The following COL4A2 variants were observed in gnomAD, a reference collection of about 807,000 sequenced individuals.
COL4A2 encodes the protein collagen type IV alpha 2 chain, also known as collagen alpha-2(IV) chain.
A neutral mutation model predicts 200.2 loss-of-function variants in COL4A2; 99 were observed. The ratio of observed to expected loss-of-function variants is 0.49; its 90% CI spans 0.42 to 0.58. The LOEUF (loss-of-function observed/expected upper bound fraction) is 0.58. Ranked by LOEUF, COL4A2 falls within the 20% of genes least tolerant of loss-of-function variation. The probability of loss-of-function intolerance (pLI) is 0.00; values close to 1 mark genes in which losing one functional copy is unlikely to be tolerated. For synonymous variants in COL4A2, 897 were observed against 900.6 expected (o/e 1.00, Z 0.07); for missense variants, 1,950 against 2,314.1 (o/e 0.84, Z 3.23).
Position 110,330,138 on chromosome 13 carries a change from T to C in COL4A2, c.99+22015T>C, listed in dbSNP as rs138128730. 2.4e-3 allele frequency among the ~76,000 whole-genome samples: 365 copies of C among 152,350 alleles called. 3 individuals carry two copies. Among genetic ancestry groups the C allele is most frequent in the African/African-American group, 8.2e-3 (339 of 41,590 alleles). On this transcript the variant is annotated intron_variant, in intron 3 of 47. Transcript: ENST00000360467. ...TTTTACCATTAAGGACTCAAGGCTT[T>C]CCACGGCCCCTTTAACTGAGAATGG...
Position 110,485,672 on chromosome 13 carries a change from G to T in COL4A2, c.3043G>T (p.Gly1015Cys). 6.2e-7 allele frequency: 1 copy of T among 1,602,134 alleles called. No individual in the cohort carries two copies. The highest frequency in any genetic ancestry group is 8.5e-7 in the Non-Finnish European group (1 of 1,175,102). ...TCCTGCAGGTATCCAAGGAATGCCA[G>T]GCATCCCAGGGCTGTCAGGAATCCC... is the stretch of plus-strand genomic sequence containing the variant. ...LGAKGIQGMP[G>C]IPGLSGIPGL... Residue 1015 changes from glycine to cysteine, a missense_variant, in exon 34 of 48, where the codon GGC becomes TGC. Gly to Cys is a radical substitution (Grantham distance 159). This residue lies in a region of COL4A2 where 1,385 missense variants were observed against 1,720.5 expected (regional missense o/e 0.80). Transcript: ENST00000360467.
intron 40 of COL4A2, among the ~76,000 whole-genome samples, chr13:110,499,905 G>A (rs1162327331): frequency 6.6e-6 from 1 of 152,182 alleles, no homozygotes; most frequent in African/African-American, 2.4e-5. Context: ...CTCACCATCT[G>A]TTTCGGGTAC....
chr13:110,488,336 A>G (rs532204226), intron 34 of COL4A2, among the ~76,000 whole-genome samples: 1 of 152,124 alleles, frequency 6.6e-6, no homozygotes, highest in Non-Finnish European at 1.5e-5. Flanking sequence ...AGCTATATTA[A>G]TACTGCAGCG....
intron 3 of COL4A2, among the ~76,000 whole-genome samples, chr13:110,325,212 A>T (rs1404670564): frequency 6.6e-6 from 1 of 152,244 alleles, no homozygotes; most frequent in Non-Finnish European, 1.5e-5. Context: ...TTTAATAAGC[A>T]TTTAGAACCA....
chr13:110,319,910 G>A (rs1885234883), intron 3 of COL4A2, among the ~76,000 whole-genome samples: 1 of 152,146 alleles, frequency 6.6e-6, no homozygotes, highest in Non-Finnish European at 1.5e-5. Flanking sequence ...CCTTCCTGTT[G>A]TAAAACAAGG....
chr13:110,462,413 G>A (rs745758837), intron 24 of COL4A2, 29 bp downstream of exon 24: 96 of 1,606,082 alleles, frequency 6.0e-5, no homozygotes, highest in East Asian at 8.9e-5. Flanking sequence ...CGGCAGCTCC[G>A]TCCTCTCTTC....
intron 18 of COL4A2, among the ~76,000 whole-genome samples, chr13:110,447,528 G>T (rs9521765): frequency 0.37 from 56,792 of 151,944 alleles, 11,071 homozygotes; most frequent in Middle Eastern, 0.53. Flanking sequence ...AGAGCACTTG[G>T]CTCTGAACCT....
chr13:110,480,418 C>G (rs758879297), intron 31 of COL4A2, 28 bp downstream of exon 31: 2 of 1,592,098 alleles, frequency 1.3e-6, no homozygotes, highest in Non-Finnish European at 1.7e-6. Flanking sequence ...ACCAGGGATC[C>G]CTTGGCGGGG....
At position 110,449,738 on chromosome 13, in the gene COL4A2, C is replaced by G; in HGVS notation, c.1138C>G (p.Pro380Ala). 1 of 1,549,440 alleles carries G rather than the reference C, an allele frequency of 6.5e-7. No homozygotes were observed. Among genetic ancestry groups the G allele is most frequent in the South Asian group, 1.2e-5 (1 of 83,964 alleles). ...AQGEPGSQGE[P>A]GDPGLPGPPG... Reference sequence around the variant, plus strand: ...AGGGGAGCCAGGAAGCCAGGGTGAGCCAGGAGACCCGGGCCTCCCAGGTCC... The same window carrying G: ...AGGGGAGCCAGGAAGCCAGGGTGAGGCAGGAGACCCGGGCCTCCCAGGTCC... The change falls in exon 19 of 48, where the codon CCA (proline) becomes GCA (alanine). Residue 380 changes from proline (P) to alanine (A), a missense_variant. Around this residue, in one of 2 missense-constraint regions of COL4A2, gnomAD observed 565 missense variants for 593.5 expected, o/e 0.95. Coordinates refer to ENST00000360467, the MANE Select transcript of COL4A2 (RefSeq NM_001846.4).
In COL4A2 at chr13:110,458,816, A is replaced by C; in HGVS notation, c.1478A>C (p.Lys493Thr). 6.2e-7 allele frequency: 1 copy of C among 1,613,932 alleles called. No homozygotes were observed. Among genetic ancestry groups the C allele is most frequent in the Non-Finnish European group, 8.5e-7 (1 of 1,179,942 alleles). ...CRCTEGDEAI[K>T]GLPGLPGPKG... Reference sequence around the variant, plus strand: ...TGTACAGAAGGCGACGAAGCTATCAAAGGTCTTCCGGGACTGCCAGGACCC... The same window carrying C: ...TGTACAGAAGGCGACGAAGCTATCACAGGTCTTCCGGGACTGCCAGGACCC... Residue 493 changes from lysine (K) to threonine (T), a missense_variant, in exon 22 of 48, where the codon AAA becomes ACA. Physicochemically the swap from Lys to Thr is moderately conservative, Grantham distance 78 (BLOSUM62 -1). Around this residue, in one of 2 missense-constraint regions of COL4A2, gnomAD observed 1,385 missense variants for 1,720.5 expected, o/e 0.80. Transcript: ENST00000360467.
At chr13:110,309,432 G>A (rs1884909907) in intron 3 of COL4A2, among the ~76,000 whole-genome samples, 1 of 152,240 alleles carries the variant, frequency 6.6e-6, no homozygotes, top group Admixed American at 6.5e-5. Context: ...TGTACTGCAT[G>A]TAAGACTTGG....
At chr13:110,358,004 T>TA (rs780063500) in intron 4 of COL4A2, among the ~76,000 whole-genome samples, 41 of 152,286 alleles carry the variant, frequency 2.7e-4, no homozygotes, top group South Asian at 6.2e-4. Flanking sequence ...GCCCTAAACT[T>TA]ACGTTTTCAA....
At chr13:110,360,129 C>T (rs1242145574) in intron 4 of COL4A2, among the ~76,000 whole-genome samples, 1 of 152,232 alleles carries the variant, frequency 6.6e-6, no homozygotes, top group Admixed American at 6.5e-5. Flanking sequence ...AGACTCTCCA[C>T]CCCGCAGCCC....
intron 4 of COL4A2, among the ~76,000 whole-genome samples, chr13:110,361,654 G>T (rs1877518879): frequency 6.6e-6 from 1 of 152,240 alleles, no homozygotes; most frequent in Admixed American, 6.5e-5. Flanking sequence ...ACCAGTGAAT[G>T]AGCTTTGGGT....
chr13:110,350,882 CTT>C lies in COL4A2; in HGVS notation c.100-6588_100-6587del, dbSNP rs1876926487. ...CCCTTCAGACAAGCACTCATGACCT[CTT>C]TGACTTTGTGTCTAAGTCCCTGCCT... On this transcript the variant is annotated intron_variant, in intron 3 of 47. Coordinates refer to ENST00000360467, the MANE Select transcript of COL4A2 (RefSeq NM_001846.4). Among the ~76,000 whole-genome samples, 3 of 152,304 alleles carry C rather than the reference CTT, an allele frequency of 2.0e-5. No individual in the cohort carries two copies. The South Asian group carries it at 6.2e-4, about 32-fold the overall frequency.
intron 4 of COL4A2, among the ~76,000 whole-genome samples, chr13:110,385,851 G>GTGGTTACAGCGTGTGGATAGA (rs1878706967): frequency 6.7e-5 from 1 of 14,894 alleles, no homozygotes; most frequent in East Asian, 2.4e-3. Flanking sequence ...GTGTGGATAG[G>GTGGTTACAGCGTGTGGATAGA]CCGTGGTTGC....
In COL4A2 at chr13:110,439,833, G is replaced by C. The variant is rs747643584; in HGVS notation, c.957G>C (p.Lys319Asn). 1.9e-6 allele frequency: 3 copies of C among 1,613,964 alleles called. No homozygotes were observed. The East Asian group carries it at 6.7e-5, about 36-fold the overall frequency. ...GTGAAAAAGGATCACCAGGACAGAAGGTAAGTTGGATGCATGAACTGCAGT... is the reference window on the plus strand; with the variant it reads ...GTGAAAAAGGATCACCAGGACAGAACGTAAGTTGGATGCATGAACTGCAGT... ...LSGEKGSPGQ[K>N]GSRGLDGYQG... Residue 319 changes from lysine to asparagine, a missense_variant and splice_region_variant, in exon 16 of 48, where the codon AAG (lysine) becomes AAC (asparagine). Transcript: ENST00000360467.
chr13:110,441,379 G>A (rs1881117966), intron 16 of COL4A2, among the ~76,000 whole-genome samples: 1 of 152,160 alleles, frequency 6.6e-6, no homozygotes, highest in Non-Finnish European at 1.5e-5. Flanking sequence ...CCAGCATTCT[G>A]CTTTTGACCA....
intron 4 of COL4A2, 92 bp from the exon 5 acceptor site, chr13:110,424,642 A>AAAAC (rs1880395262): frequency 1.1e-5 from 9 of 852,414 alleles, no homozygotes; most frequent in South Asian, 4.1e-5. Flanking sequence ...TTTAAAAACA[A>AAAAC]AAAAAAAAAT....
Sources: gnomAD v4.1 joint callset for allele counts (sites outside exome capture counted in the v4.1 genomes callset) on GRCh38, gnomAD v4.1.1 for gene constraint, gnomAD v4.1.1 regional missense constraint, MANE v1.5 for transcripts, NCBI Gene and HGNC (gene_info 2026-07-23, HGNC 2026-07-21) for gene names.